PSD3: variants seen among roughly 807,000 people sequenced by gnomAD.
The protein encoded by PSD3 is pleckstrin and Sec7 domain containing 3.
Under a neutral mutation model 105.5 loss-of-function variants are expected in PSD3, and 49 were observed. The ratio of observed to expected loss-of-function variants is 0.46; its 90% CI spans 0.37 to 0.59. The LOEUF (loss-of-function observed/expected upper bound fraction) is 0.59. Among genes scored for constraint, PSD3 ranks in the 20% least tolerant of loss-of-function variants. The pLI is 0.00. For missense variants in PSD3, 1,561 were observed against 1,263.8 expected (o/e 1.24, Z -3.57); for synonymous variants, 557 against 457.8 (o/e 1.22, Z -2.77).
chr8:18,989,701 T>C (rs551770804), intron 1 of PSD3, among the ~76,000 whole-genome samples: 1 of 152,278 alleles, frequency 6.6e-6, no homozygotes, highest in African/African-American at 2.4e-5. Flanking sequence ...ACAATAAATA[T>C]CCTAACAAAT....
intron 8 of PSD3, among the ~76,000 whole-genome samples, chr8:18,797,236 A>G (rs556209070): frequency 1.4e-4 from 22 of 152,288 alleles, no homozygotes; most frequent in African/African-American, 5.3e-4. Context: ...TATCGCACAC[A>G]TTTTTAAAAC....
chr8:18,686,248 T>C (rs1240500541), intron 9 of PSD3, among the ~76,000 whole-genome samples: 4 of 151,942 alleles, frequency 2.6e-5, no homozygotes, highest in Admixed American at 6.6e-5. Context: ...CTTGTTCTCT[T>C]GTTTTCACTC....
At chr8:18,766,653 A>G (rs980770267) in intron 8 of PSD3, among the ~76,000 whole-genome samples, 1 of 152,172 alleles carries the variant, frequency 6.6e-6, no homozygotes, top group African/African-American at 2.4e-5. Context: ...TCAAACTAAC[A>G]AGTTAGCCTG....
chr8:19,007,653 T>C (rs1277427321), intron 1 of PSD3, among the ~76,000 whole-genome samples: 1 of 152,046 alleles, frequency 6.6e-6, no homozygotes, highest in African/African-American at 2.4e-5. Context: ...AAGTGAGGTT[T>C]GCCTAGGTCA....
intron 11 of PSD3, among the ~76,000 whole-genome samples, chr8:18,614,325 A>C (rs1805489135): frequency 6.7e-6 from 1 of 149,976 alleles, no homozygotes. Context: ...GAGCAGATTA[A>C]CCCCTTCTCC....
chr8:18,685,570 C>T (rs1267244329), intron 9 of PSD3, among the ~76,000 whole-genome samples: 1 of 152,120 alleles, frequency 6.6e-6, no homozygotes, highest in Non-Finnish European at 1.5e-5. Flanking sequence ...CTTGGGGACT[C>T]TCCTGTCCTT....
At chr8:18,570,876 T>TTATTATTATTAC (rs1802092672) in intron 14 of PSD3, among the ~76,000 whole-genome samples, 1 of 150,798 alleles carries the variant, frequency 6.6e-6, no homozygotes, top group Admixed American at 6.6e-5. Context: ...ATTATTATTA[T>TTATTATTATTAC]TGAGATGGAG....
intron 9 of PSD3, among the ~76,000 whole-genome samples, chr8:18,691,621 A>C (rs1479158838): frequency 6.6e-6 from 1 of 152,258 alleles, no homozygotes. Context: ...CATCCAGATG[A>C]GTAAACCAAT....
intron 4 of PSD3, among the ~76,000 whole-genome samples, chr8:18,844,602 A>AC (rs1814925652): frequency 6.6e-6 from 1 of 152,200 alleles, no homozygotes; most frequent in Non-Finnish European, 1.5e-5. Context: ...TAAAAAAGAA[A>AC]AAAAAATCAG....
intron 2 of PSD3, among the ~76,000 whole-genome samples, chr8:18,884,754 G>T (rs1818348269): frequency 6.6e-6 from 1 of 152,174 alleles, no homozygotes; most frequent in Non-Finnish European, 1.5e-5. Flanking sequence ...TGTGCTTACG[G>T]CAAACTAAAT....
chr8:18,536,874 T>A (rs985393132), intron 15 of PSD3, among the ~76,000 whole-genome samples: 3 of 152,194 alleles, frequency 2.0e-5, no homozygotes, highest in Admixed American at 6.5e-5. Context: ...TATTCCACCA[T>A]CCTGCCTCAA....
chr8:18,650,871 T>C (rs1207225642), intron 10 of PSD3, among the ~76,000 whole-genome samples: 1 of 152,148 alleles, frequency 6.6e-6, no homozygotes, highest in African/African-American at 2.4e-5. Flanking sequence ...AAAGACTTTA[T>C]AAGACGGGGT....
intron 1 of PSD3, among the ~76,000 whole-genome samples, chr8:19,040,147 G>T (rs756489065): frequency 6.6e-5 from 10 of 152,208 alleles, no homozygotes; most frequent in Non-Finnish European, 1.0e-4. Flanking sequence ...TTCCTCTCAA[G>T]AGCCAGGACC....
intron 1 of PSD3, among the ~76,000 whole-genome samples, chr8:19,035,649 C>T (rs528638980): frequency 3.3e-5 from 5 of 151,572 alleles, no homozygotes; most frequent in African/African-American, 9.7e-5. Context: ...CCCAAAGTTA[C>T]GTTTTTTTTG....
rs184210945 is a variant in PSD3, at chr8:18,877,388, T to C, written c.131-4655A>G. 8.5e-5 allele frequency among the ~76,000 whole-genome samples: 13 copies of C among 152,330 alleles called. No individual in the cohort carries two copies. The East Asian group carries it at 2.1e-3, about 25-fold the overall frequency. ...AACTTCATTATTTTGTATGTGGATATCCAGTTGTCCCAGAGCTATCTGTTG... is the reference window on the plus strand; with the variant it reads ...AACTTCATTATTTTGTATGTGGATACCCAGTTGTCCCAGAGCTATCTGTTG... On this transcript the variant is annotated intron_variant, in intron 2 of 15. Transcript: ENST00000327040.
At chr8:18,744,590 CTTTT>C (rs930965634) in intron 9 of PSD3, among the ~76,000 whole-genome samples, 1 of 152,122 alleles carries the variant, frequency 6.6e-6, no homozygotes, top group Non-Finnish European at 1.5e-5. Context: ...CAGCATCTTT[CTTTT>C]TTCTTCTGAA....
At chr8:19,057,964 A>G (rs1024830038) in intron 1 of PSD3, among the ~76,000 whole-genome samples, 4 of 152,176 alleles carry the variant, frequency 2.6e-5, no homozygotes, top group Admixed American at 6.5e-5. Context: ...GAGAACTTCT[A>G]TTCACACAAA....
chr8:18,646,682 A>G (rs548062737), intron 10 of PSD3, among the ~76,000 whole-genome samples: 164 of 152,258 alleles, frequency 1.1e-3, no homozygotes, highest in African/African-American at 3.8e-3. Flanking sequence ...AACTAATAGA[A>G]AAACTCTTGG....
intron 10 of PSD3, among the ~76,000 whole-genome samples, chr8:18,636,267 ACAATTTTTTTAAC>A (rs1177789114): frequency 2.0e-5 from 1 of 50,408 alleles, no homozygotes; most frequent in South Asian, 8.5e-4. Flanking sequence ...CTAATTTTTA[ACAATTTTTTTAAC>A]AAAAAAGTTT....
Sources: gnomAD v4.1 joint callset for allele counts (sites outside exome capture counted in the v4.1 genomes callset) on GRCh38, gnomAD v4.1.1 for gene constraint, MANE v1.5 for transcripts, NCBI Gene and HGNC (gene_info 2026-07-23, HGNC 2026-07-21) for gene names.